Variants in GPR101 observed in about 807,000 individuals in gnomAD.
The protein encoded by GPR101 is probable G protein-coupled receptor 101.
Under a neutral mutation model 16.4 loss-of-function variants are expected in GPR101, and 8 were observed. That is an observed-to-expected ratio of 0.49 (90% CI 0.29 to 0.88). GPR101 has a LOEUF of 0.88. Ranked by LOEUF, GPR101 falls within the 40% of genes least tolerant of loss-of-function variation. The pLI, the probability that GPR101 is intolerant of heterozygous loss-of-function variation, is 0.09. For missense variants in GPR101, 375 were observed against 411.7 expected, an observed-to-expected ratio of 0.91 and a Z score of 0.77; for synonymous variants, 155 against 168.7, an observed-to-expected ratio of 0.92 and a Z score of 0.63.
rs188136389 is a variant in GPR101 at position 137,033,565 on chromosome X, A to T, written c.-93+237T>A. Among the ~76,000 whole-genome samples, 3 of 110,301 alleles carry T rather than the reference A, an allele frequency of 2.7e-5. No individual in the cohort carries two copies. The Admixed American group carries it at 2.9e-4, about 11-fold the overall frequency. ...GCAGAGGAAGAGGGAAAGGATGAGGAAAAAACGAGAGAATGGAGAGGAAGG... is the reference window on the plus strand; with the variant it reads ...GCAGAGGAAGAGGGAAAGGATGAGGTAAAAACGAGAGAATGGAGAGGAAGG... On this transcript the variant is annotated intron_variant, in intron 1 of 1. Transcript: ENST00000651716.
In GPR101 at chrX:137,031,459, G is replaced by A; in HGVS notation, c.216C>T (p.Asn72=). The change falls in exon 2 of 2, where the codon AAC becomes AAT. Residue 72 remains asparagine (N), a synonymous_variant. Coordinates refer to ENST00000651716, the MANE Select transcript of GPR101 (RefSeq NM_054021.2). ...TCTGCAGCAGGTCGGTGACGAGGAG[G>A]TTAAAGATAAAACGGTTGGTCACCT... ...LLQVTNRFIF[N]LLVTDLLQIS... is the part of the protein sequence containing the mutation. The A allele has an allele frequency of 8.4e-7, 1 of 1,196,271 alleles. No individual in the cohort carries two copies. Among genetic ancestry groups the A allele is most frequent in the Non-Finnish European group, 1.1e-6 (1 of 887,112 alleles).
At position 137,031,786 on chromosome X, in the gene GPR101, G is replaced by A. The variant is rs1927273135; in HGVS notation, c.-92-20C>T. The A allele has an allele frequency of 1.6e-6, 1 of 633,357 alleles. No homozygotes were observed. Among genetic ancestry groups the A allele is most frequent in the Non-Finnish European group, 2.3e-6 (1 of 429,006 alleles). 52.2% of individuals were successfully genotyped at this position (633,357 alleles called of 1,213,427 possible). A position where few individuals can be genotyped will look rare whatever the true frequency, so the allele number is the denominator to read the frequency against. On this transcript the variant is annotated intron_variant, in intron 1 of 1. Transcript: ENST00000651716. Reference sequence around the variant, plus strand: ...CCTATGCTGGTGACAAAAGAAACACGCAGGCAGAGTTAGTCACCCGTCAAG... The same window carrying A: ...CCTATGCTGGTGACAAAAGAAACACACAGGCAGAGTTAGTCACCCGTCAAG...
chrX:137,024,876 C>T lies in GPR101; in HGVS notation c.*5272G>A, dbSNP rs995654080. Among the ~76,000 whole-genome samples the T allele has an allele frequency of 8.9e-6, 1 of 112,105 alleles. No homozygotes were observed. Among genetic ancestry groups the T allele is most frequent in the African/African-American group, 3.2e-5 (1 of 30,801 alleles). On this transcript the variant is annotated 3_prime_UTR_variant, in exon 2 of 2. Coordinates refer to ENST00000651716, the MANE Select transcript of GPR101 (RefSeq NM_054021.2). ...AGGTGTTGGTTGGGTCTTCAGGGTG[C>T]AGTATTCTTTTCGTCCTGCTAACTG...
At chrX:137,032,262 G>A (rs1417684221) in intron 1 of GPR101, among the ~76,000 whole-genome samples, 1 of 110,717 alleles carries the variant, frequency 9.0e-6, no homozygotes, top group Non-Finnish European at 1.9e-5. Flanking sequence ...GCACGTGCAC[G>A]CTGTCTCTTT....
At chrX:137,032,893 C>T (rs917702908) in intron 1 of GPR101, among the ~76,000 whole-genome samples, 2 of 110,509 alleles carry the variant, frequency 1.8e-5, no homozygotes, top group Non-Finnish European at 3.8e-5. Flanking sequence ...TTCCTGTCAC[C>T]CCAGGACTCT....
chrX:137,030,394 G>A lies in GPR101; in HGVS notation c.1281C>T (p.Val427=), dbSNP rs1927234950. Residue 427 remains valine (V), a synonymous_variant, in exon 2 of 2, where the codon GTC becomes GTT. Transcript: ENST00000651716. Reference sequence around the variant, plus strand: ...TCACCCACTGGGGTACCTGGGTTTCGACATCCACCCACACGGCCAGGACTG... The same window carrying A: ...TCACCCACTGGGGTACCTGGGTTTCAACATCCACCCACACGGCCAGGACTG... ...FLAVLAVWVD[V]ETQVPQWVIT... The A allele has an allele frequency of 6.6e-6, 8 of 1,210,410 alleles. No homozygotes were observed. Among genetic ancestry groups the A allele is most frequent in the South Asian group, 1.8e-5 (1 of 56,604 alleles).
intron 1 of GPR101, among the ~76,000 whole-genome samples, 36 bp downstream of exon 1, chrX:137,033,766 G>A (rs1308777415): frequency 8.9e-6 from 1 of 112,092 alleles, no homozygotes; most frequent in Non-Finnish European, 1.9e-5. Flanking sequence ...CGGGTGCTGG[G>A]GGCCACGGAG....
rs770488345 is a variant in GPR101, at chrX:137,024,119, A to C, written c.*6029T>G. The stretch of plus-strand genomic sequence containing the variant: ...AGCAAAAGAAAAAAAAAGGCATTGT[A>C]ACCATTTTAGAAAGGATCCAATTAA... On this transcript the variant is annotated 3_prime_UTR_variant, in exon 2 of 2. Transcript: ENST00000651716. Among the ~76,000 whole-genome samples the C allele has an allele frequency of 6.2e-5, 7 of 112,702 alleles. No individual in the cohort carries two copies. Among genetic ancestry groups the C allele is most frequent in the Non-Finnish European group, 9.4e-5 (5 of 53,362 alleles).
chrX:137,032,755 C>G (rs901810717), intron 1 of GPR101, among the ~76,000 whole-genome samples: 1 of 109,986 alleles, frequency 9.1e-6, no homozygotes, highest in African/African-American at 3.3e-5. Context: ...CTCTCCCTGC[C>G]TAAGTTCTCT....
rs757975557 is a variant in GPR101 at position 137,030,976 on chromosome X, G to A, written c.699C>T (p.Ser233=). ...HALLYNVKRH[S]LEVRVKDCVE... Reference sequence around the variant, plus strand: ...CACAGTCCTTGACTCGCACTTCCAAGCTGTGTCTCTTGACATTGTACAGCA... The same window carrying A: ...CACAGTCCTTGACTCGCACTTCCAAACTGTGTCTCTTGACATTGTACAGCA... The change falls in exon 2 of 2, where the codon AGC becomes AGT. Residue 233 remains serine (S), a synonymous_variant. Coordinates refer to ENST00000651716, the MANE Select transcript of GPR101 (RefSeq NM_054021.2). 7 of 1,211,817 alleles carry A rather than the reference G, an allele frequency of 5.8e-6. No individual in the cohort carries two copies. In the East Asian group the frequency reaches 2.1e-4, roughly 36 times the overall value.
chrX:137,030,943 A>G lies in GPR101; in HGVS notation c.732T>C (p.Asn244=). ...LEVRVKDCVE[N]EDEEGAEKKE... ...TCTTCTCTGCTCCCTCTTCATCCTC[A>G]TTCTCCACACAGTCCTTGACTCGCA... Residue 244 remains asparagine (N), a synonymous_variant, in exon 2 of 2, where the codon AAT becomes AAC. Coordinates refer to ENST00000651716, the MANE Select transcript of GPR101 (RefSeq NM_054021.2). The G allele has an allele frequency of 8.3e-7, 1 of 1,211,227 alleles. No individual in the cohort carries two copies. Among genetic ancestry groups the G allele is most frequent in the Non-Finnish European group, 1.1e-6 (1 of 895,352 alleles).
chrX:137,032,067 G>C (rs182399507), intron 1 of GPR101, among the ~76,000 whole-genome samples: 107 of 111,276 alleles, frequency 9.6e-4, no homozygotes, highest in African/African-American at 3.3e-3. Flanking sequence ...TAGCGCATGC[G>C]CGTGCGCTCT....
Position 137,030,778 on chromosome X carries a change from C to T in GPR101, c.897G>A (p.Glu299=). The change falls in exon 2 of 2, where the codon GAG becomes GAA. Residue 299 remains glutamate, a synonymous_variant. Transcript: ENST00000651716. ...CTCTGACCTCCTCGCTGCCCCTGGC[C>T]TCTACACTACTCTCACTGGTCCCCG... The part of the protein sequence containing the change: ...GSTGTSESSV[E]ARGSEEVRES... 1 of 1,211,351 alleles carries T rather than the reference C, an allele frequency of 8.3e-7. No individual in the cohort carries two copies. The highest frequency in any genetic ancestry group is 1.1e-6 in the Non-Finnish European group (1 of 895,427).
rs1308239227 is a variant in GPR101 at position 137,031,098 on chromosome X, T to C, written c.577A>G (p.Thr193Ala). The C allele has an allele frequency of 5.8e-6, 7 of 1,210,197 alleles. No homozygotes were observed. The highest frequency in any genetic ancestry group is 2.3e-4 in the Middle Eastern group (1 of 4,372). ...SMIWGASPSY[T>A]ILSVVSFIVI... ...ATGAAGGACACCACGCTGAGAATAG[T>C]GTAGCTGGGGCTGGCCCCCCAGATC... Residue 193 changes from threonine (T) to alanine (A), a missense_variant, in exon 2 of 2, where the codon ACT becomes GCT. By Grantham distance (58) the Thr-to-Ala change is moderately conservative. Coordinates refer to ENST00000651716, the MANE Select transcript of GPR101 (RefSeq NM_054021.2).
At chrX:137,031,954 G>A (rs1927276225) in intron 1 of GPR101, among the ~76,000 whole-genome samples, 188 bp from the exon 2 acceptor site, 1 of 111,199 alleles carries the variant, frequency 9.0e-6, no homozygotes, top group Non-Finnish European at 1.9e-5. Context: ...CCAGGGCTCT[G>A]ATTTCCTCTC....
Position 137,031,526 on chromosome X carries a change from A to T in GPR101, c.149T>A (p.Ile50Lys). 8.3e-7 allele frequency: 1 copy of T among 1,211,089 alleles called. No homozygotes were observed. Among genetic ancestry groups the T allele is most frequent in the Non-Finnish European group, 1.1e-6 (1 of 895,256 alleles). Residue 50 changes from isoleucine (I) to lysine (K), a missense_variant, in exon 2 of 2, where the codon ATA becomes AAA. Ile to Lys is a moderately radical substitution (Grantham distance 102). Transcript: ENST00000651716. ...IFLAASFVGN[I>K]VLALVLQRKP... ...GCGCTGCAACACTAGCGCCAGCACT[A>T]TGTTGCCGACGAAAGAGGCGGCGAG... is the stretch of plus-strand genomic sequence containing the variant.
Position 137,030,069 on chromosome X carries a change from G to T in GPR101, c.*79C>A. On this transcript the variant is annotated 3_prime_UTR_variant, in exon 2 of 2. Coordinates refer to ENST00000651716, the MANE Select transcript of GPR101 (RefSeq NM_054021.2). Reference sequence around the variant, plus strand: ...TGAAATGGTATGGTTTGGCATTAATGAATTGTGGGTCCATTGAAAAGAAAT... The same window carrying T: ...TGAAATGGTATGGTTTGGCATTAATTAATTGTGGGTCCATTGAAAAGAAAT... 1.1e-6 allele frequency: 1 copy of T among 904,536 alleles called. No individual in the cohort carries two copies. The allele number at this position is 904,536 out of a possible 1,213,427, so 74.5% of individuals were successfully genotyped here.
chrX:137,030,679 C>CA lies in GPR101; in HGVS notation c.995dup (p.Met332IlefsTer16). ...CCTCTGTGCGACCCTTGTCTGCCTT[C>CA]ATGCTGTTCTCCTCAACTTTGGTGC... On this transcript the variant is annotated frameshift_variant, in exon 2 of 2. Transcript: ENST00000651716. LOFTEE classifies it high-confidence loss of function. 1 of 1,211,569 alleles carries CA rather than the reference C, an allele frequency of 8.3e-7. No individual in the cohort carries two copies. The highest frequency in any genetic ancestry group is 2.2e-5 in the Admixed American group (1 of 46,066).
At chrX:137,032,809 C>T (rs1569454349) in intron 1 of GPR101, among the ~76,000 whole-genome samples, 2 of 110,076 alleles carry the variant, frequency 1.8e-5, no homozygotes, top group Non-Finnish European at 3.8e-5. Context: ...TAACACTCTA[C>T]TGCTTGTCTC....
Sources: allele counts gnomAD v4.1 joint callset (sites outside exome capture counted in the v4.1 genomes callset), GRCh38; gene constraint gnomAD v4.1.1; transcripts MANE v1.5; gene names NCBI Gene and HGNC (gene_info 2026-07-23, HGNC 2026-07-21).